The following FAM98B variants were observed in gnomAD, a reference collection of about 807,000 sequenced individuals.
FAM98B encodes the protein tRNA splicing ligase complex subunit 3B.
FAM98B carries 32 observed loss-of-function variants against 43.9 expected under a neutral mutation model. The observed-to-expected ratio is 0.73, with a 90% CI of 0.55 to 0.98. The LOEUF (loss-of-function observed/expected upper bound fraction) is 0.98, where lower values mean the gene tolerates loss of function less well. Ranked by LOEUF, FAM98B falls within the 50% of genes least tolerant of loss-of-function variation. FAM98B has a pLI of 0.00. For synonymous variants in FAM98B, 190 were observed against 174.0 expected, an observed-to-expected ratio of 1.09 and a Z score of -0.72; for missense variants, 514 against 522.9, an observed-to-expected ratio of 0.98 and a Z score of 0.17.
intron 3 of FAM98B, among the ~76,000 whole-genome samples, chr15:38,468,561 C>T (rs1890075442): frequency 6.6e-6 from 1 of 151,922 alleles, no homozygotes; most frequent in Non-Finnish European, 1.5e-5. Flanking sequence ...TTAGTATAGT[C>T]CTCATAAGGA....
In FAM98B at chr15:38,485,776, A is replaced by T. The variant is rs1424412961; in HGVS notation, c.*1117A>T. 4 of 152,204 alleles carry T rather than the reference A, an allele frequency of 2.6e-5. No homozygotes were observed. Among genetic ancestry groups the T allele is most frequent in the African/African-American group, 9.7e-5 (4 of 41,442 alleles). The allele number at this position is 152,204 out of a possible 1,614,324, so 9.4% of individuals were successfully genotyped here. On this transcript the variant is annotated 3_prime_UTR_variant, in exon 8 of 8. Coordinates refer to ENST00000397609, the MANE Select transcript of FAM98B (RefSeq NM_173611.4). Reference sequence around the variant, plus strand: ...TCTCAGGTTGTTTCTTAAAGACCTAAATACAAATACAATTTGTTAAAAACT... The same window carrying T: ...TCTCAGGTTGTTTCTTAAAGACCTATATACAAATACAATTTGTTAAAAACT...
chr15:38,473,566 A>G lies in FAM98B; in HGVS notation c.593A>G (p.Asp198Gly). ...GTGGGAAAACCACTGCTGAAAATGG[A>G]TTTAAATTCAGAACAGGCGGTAAAT... ...NHVGKPLLKM[D>G]LNSEQAEQLE... The change falls in exon 5 of 8, where the codon GAT becomes GGT. Residue 198 changes from aspartate (D) to glycine (G), a missense_variant. Physicochemically the swap from Asp to Gly is moderately conservative, Grantham distance 94. Around this residue, in one of 2 missense-constraint regions of FAM98B, gnomAD observed 469 missense variants for 451.8 expected, o/e 1.04. Transcript: ENST00000397609. 6.2e-7 allele frequency: 1 copy of G among 1,609,952 alleles called. No individual in the cohort carries two copies. Among genetic ancestry groups the G allele is most frequent in the Non-Finnish European group, 8.5e-7 (1 of 1,178,242 alleles).
intron 1 of FAM98B, among the ~76,000 whole-genome samples, chr15:38,460,768 G>A (rs892372201): frequency 6.6e-6 from 1 of 152,164 alleles, no homozygotes; most frequent in East Asian, 1.9e-4. Context: ...TCAGTTCCGG[G>A]ACAGTTGTTA....
In FAM98B at chr15:38,484,324, C is replaced by T. The variant is rs1348096821; in HGVS notation, c.967C>T (p.Pro323Ser). The T allele has an allele frequency of 2.6e-6, 4 of 1,544,624 alleles. No individual in the cohort carries two copies. Among genetic ancestry groups the T allele is most frequent in the Non-Finnish European group, 8.7e-7 (1 of 1,145,354 alleles). ...NEIEPPPPEM[P>S]PWQKRQEGGG... The stretch of plus-strand genomic sequence containing the variant: ...AATTGAACCACCACCTCCAGAAATG[C>T]CCCCTTGGCAAAAGAGACAAGAAGG... Residue 323 changes from proline to serine, a missense_variant, in exon 8 of 8, where the codon CCC becomes TCC. Physicochemically the swap from Pro to Ser is moderately conservative, Grantham distance 74 (BLOSUM62 -1). Transcript: ENST00000397609.
At position 38,484,656 on chromosome 15, in the gene FAM98B, C is replaced by G. The variant is rs1035624987; in HGVS notation, c.1299C>G (p.Tyr433Ter). 2.3e-5 allele frequency: 35 copies of G among 1,512,690 alleles called. No homozygotes were observed. Among genetic ancestry groups the G allele is most frequent in the African/African-American group, 2.3e-4 (16 of 70,118 alleles). 93.7% of individuals were successfully genotyped at this position (1,512,690 alleles called of 1,614,324 possible). Reference sequence around the variant, plus strand: ...GTGGAGGAGGTGGATATAGAAGATACTAAAAACTATAAAAATTAGATAGCA... The same window carrying G: ...GTGGAGGAGGTGGATATAGAAGATAGTAAAAACTATAAAAATTAGATAGCA... ...GGGGGGGYRR[Y>*] Residue 433 changes from tyrosine to a stop codon, truncating the protein, a stop_gained, in exon 8 of 8, where the codon TAC (tyrosine) becomes TAG (stop). Coordinates refer to ENST00000397609, the MANE Select transcript of FAM98B (RefSeq NM_173611.4). LOFTEE classifies it high-confidence loss of function.
chr15:38,467,130 A>G (rs1010802042), intron 3 of FAM98B, among the ~76,000 whole-genome samples: 2 of 152,162 alleles, frequency 1.3e-5, no homozygotes, highest in Non-Finnish European at 2.9e-5. Context: ...AGGAACATTT[A>G]AAATAGTCTC....
rs2141065084 is a variant in FAM98B, at chr15:38,486,421, C to T, written c.*1762C>T. The T allele has an allele frequency of 6.6e-6, 1 of 152,192 alleles. No homozygotes were observed. Among genetic ancestry groups the T allele is most frequent in the Middle Eastern group, 3.4e-3 (1 of 294 alleles). The allele number at this position is 152,192 out of a possible 1,614,324, so 9.4% of individuals were successfully genotyped here. A position where few individuals can be genotyped will look rare whatever the true frequency, so the allele number is the denominator to read the frequency against. ...AATCTTCTTTAAAACCTTTACATTTCTGCCTCACTTCTTTTTTGGTAGCAT... is the reference window on the plus strand; with the variant it reads ...AATCTTCTTTAAAACCTTTACATTTTTGCCTCACTTCTTTTTTGGTAGCAT... On this transcript the variant is annotated 3_prime_UTR_variant, in exon 8 of 8. Transcript: ENST00000397609.
intron 1 of FAM98B, among the ~76,000 whole-genome samples, chr15:38,455,070 C>T (rs1248858618): frequency 6.6e-6 from 1 of 152,180 alleles, no homozygotes. Flanking sequence ...AACTCTGCTT[C>T]TCCCTCGTTT....
Position 38,485,384 on chromosome 15 carries a change from G to A in FAM98B, c.*725G>A, listed in dbSNP as rs531151739. On this transcript the variant is annotated 3_prime_UTR_variant, in exon 8 of 8. Coordinates refer to ENST00000397609, the MANE Select transcript of FAM98B (RefSeq NM_173611.4). The stretch of plus-strand genomic sequence containing the variant: ...AAGACACATACCAACTTTACATGAC[G>A]GTGTGAGAAATAGTCCTATAAACTG... The A allele has an allele frequency of 2.0e-5, 3 of 152,172 alleles. No individual in the cohort carries two copies. Among genetic ancestry groups the A allele is most frequent in the Non-Finnish European group, 2.9e-5 (2 of 68,040 alleles). 9.4% of individuals were successfully genotyped at this position (152,172 alleles called of 1,614,324 possible).
intron 6 of FAM98B, among the ~76,000 whole-genome samples, chr15:38,480,887 G>A (rs1890272233): frequency 6.6e-6 from 1 of 151,912 alleles, no homozygotes; most frequent in African/African-American, 2.4e-5. Flanking sequence ...GGGGAAAACT[G>A]ACAATAATAC....
chr15:38,458,798 T>A, intron 1 of FAM98B: 1 of 456,168 alleles, frequency 2.2e-6, no homozygotes, highest in South Asian at 1.8e-5. Flanking sequence ...TCCTCTGCTC[T>A]GCTTCTCAAA....
At chr15:38,456,092 C>T (rs915608201) in intron 1 of FAM98B, among the ~76,000 whole-genome samples, 2 of 152,124 alleles carry the variant, frequency 1.3e-5, no homozygotes, top group African/African-American at 4.8e-5. Context: ...TTCAGTTTGT[C>T]ATGTAAAATA....
rs546471796 is a variant in FAM98B at position 38,459,445 on chromosome 15, C to T, written c.72-4587C>T. The T allele has an allele frequency of 5.6e-4, 199 of 354,662 alleles. 2 individuals are homozygous for T. The Middle Eastern group carries it at 5.8e-3, about 10-fold the overall frequency. 22.0% of individuals were successfully genotyped at this position (354,662 alleles called of 1,614,324 possible). A position where few individuals can be genotyped will look rare whatever the true frequency, so the allele number is the denominator to read the frequency against. Reference sequence around the variant, plus strand: ...AAGGGCCTTGAAGATGTTATATCCACGAGGCTTCTTAAGGAGGGCTTGGAG... The same window carrying T: ...AAGGGCCTTGAAGATGTTATATCCATGAGGCTTCTTAAGGAGGGCTTGGAG... On this transcript the variant is annotated intron_variant, in intron 1 of 7. Transcript: ENST00000397609.
intron 4 of FAM98B, among the ~76,000 whole-genome samples, chr15:38,470,977 A>C (rs1056080987): frequency 6.6e-6 from 1 of 151,376 alleles, no homozygotes; most frequent in African/African-American, 2.4e-5. Context: ...TTACTAAGCA[A>C]CTCTTGTTCC....
At chr15:38,477,836 G>A (rs557872534) in intron 6 of FAM98B, among the ~76,000 whole-genome samples, 1 of 152,282 alleles carries the variant, frequency 6.6e-6, no homozygotes, top group South Asian at 2.1e-4. Context: ...TGTGCAAGAA[G>A]CTCGAGTGCT....
In FAM98B at chr15:38,459,600, G is replaced by C. The variant is rs1026799970; in HGVS notation, c.72-4432G>C. 1.4e-5 allele frequency: 3 copies of C among 211,764 alleles called. No homozygotes were observed. The South Asian group carries it at 2.0e-4, about 14-fold the overall frequency. 13.1% of individuals were successfully genotyped at this position (211,764 alleles called of 1,614,324 possible). On this transcript the variant is annotated intron_variant, in intron 1 of 7. Coordinates refer to ENST00000397609, the MANE Select transcript of FAM98B (RefSeq NM_173611.4). ...AACCAGTGAGCCCATGGTCTGGGCT[G>C]GGCTGGGGGGCCTGGGTTTGGGCTT...
rs572902771 is a variant in FAM98B at position 38,454,154 on chromosome 15, A to G, written c.-8A>G. 14 of 1,592,906 alleles carry G rather than the reference A, an allele frequency of 8.8e-6. No homozygotes were observed. The highest frequency in any genetic ancestry group is 1.7e-4 in the Middle Eastern group (1 of 6,000). On this transcript the variant is annotated 5_prime_UTR_variant, in exon 1 of 8. Coordinates refer to ENST00000397609, the MANE Select transcript of FAM98B (RefSeq NM_173611.4). ...TTAGAGCGCCGAACAGCTCTGGGCC[A>G]AAGGACCATGAGAGGGCCGGAGCCG...
intron 7 of FAM98B, among the ~76,000 whole-genome samples, chr15:38,483,927 C>T (rs60495215): frequency 0.092 from 13,917 of 151,534 alleles, 775 homozygotes; most frequent in South Asian, 0.17. Context: ...TTGGCATATC[C>T]CTCTCAAACA....
At position 38,454,127 on chromosome 15, in the gene FAM98B, A is replaced by C. The variant is rs1473706819; in HGVS notation, c.-35A>C. 1 of 1,572,832 alleles carries C rather than the reference A, an allele frequency of 6.4e-7. No individual in the cohort carries two copies. The highest frequency in any genetic ancestry group is 1.2e-5 in the South Asian group (1 of 85,722). Reference sequence around the variant, plus strand: ...CGGTGACGCTAGTTTCCGGCGGGCTACTTAGAGCGCCGAACAGCTCTGGGC... The same window carrying C: ...CGGTGACGCTAGTTTCCGGCGGGCTCCTTAGAGCGCCGAACAGCTCTGGGC... On this transcript the variant is annotated 5_prime_UTR_variant, in exon 1 of 8. Transcript: ENST00000397609.
Sources: allele counts gnomAD v4.1 joint callset (sites outside exome capture counted in the v4.1 genomes callset), GRCh38; gene constraint gnomAD v4.1.1; regional missense constraint gnomAD v4.1.1; transcripts MANE v1.5; gene names NCBI Gene and HGNC (gene_info 2026-07-23, HGNC 2026-07-21).